TENT4A: variants seen among roughly 807,000 people sequenced by gnomAD.
TENT4A encodes the protein DNA polymerase kappa.
TENT4A carries 7 observed loss-of-function variants against 72.8 expected under a neutral mutation model. The ratio of observed to expected loss-of-function variants is 0.10; its 90% CI spans 0.05 to 0.18. TENT4A has a LOEUF of 0.18. TENT4A is among the 10% of genes least tolerant of loss of function. The probability of loss-of-function intolerance (pLI) is 1.00; values close to 1 mark genes in which losing one functional copy is unlikely to be tolerated. For synonymous variants in TENT4A, 456 were observed against 434.3 expected, an observed-to-expected ratio of 1.05 and a Z score of -0.62; for missense variants, 831 against 1,017.7, an observed-to-expected ratio of 0.82 and a Z score of 2.50.
At chr5:6,725,919 A>G (rs1216431987) in intron 1 of TENT4A, among the ~76,000 whole-genome samples, 2 of 152,248 alleles carry the variant, frequency 1.3e-5, no homozygotes, top group African/African-American at 2.4e-5. Context: ...TCTAAGAGAT[A>G]CTGCTGAGAC....
rs754293964 is a variant in TENT4A, at chr5:6,751,194, T to G, written c.2016T>G (p.Asn672Lys). 6.2e-7 allele frequency: 1 copy of G among 1,614,166 alleles called. No individual in the cohort carries two copies. Among genetic ancestry groups the G allele is most frequent in the Non-Finnish European group, 8.5e-7 (1 of 1,180,034 alleles). Reference sequence around the variant, plus strand: ...GAACACTGATCATGACAACCAACAATCAGGTACGTGGCCCTCTGGCACCCT... The same window carrying G: ...GAACACTGATCATGACAACCAACAAGCAGGTACGTGGCCCTCTGGCACCCT... The part of the protein sequence containing the change: ...TSRTLIMTTN[N>K]QTRFTIPPPT... Residue 672 changes from asparagine to lysine, a missense_variant, in exon 11 of 13, where the codon AAT (asparagine) becomes AAG (lysine). Coordinates refer to ENST00000230859, the MANE Select transcript of TENT4A (RefSeq NM_006999.6).
intron 6 of TENT4A, among the ~76,000 whole-genome samples, chr5:6,745,186 T>C (rs1742021605): frequency 6.6e-6 from 1 of 152,292 alleles, no homozygotes; most frequent in African/African-American, 2.4e-5. Context: ...AGACAAGGAA[T>C]AAGGAAGGGA....
intron 1 of TENT4A, among the ~76,000 whole-genome samples, chr5:6,728,361 C>T (rs1467196785): frequency 6.6e-6 from 1 of 152,218 alleles, no homozygotes; most frequent in Non-Finnish European, 1.5e-5. Flanking sequence ...CTCAGCACAG[C>T]CCCCTGGCAG....
At chr5:6,739,281 AGAGGCTATAATCT>A (rs1741676104) in intron 3 of TENT4A, among the ~76,000 whole-genome samples, 1 of 152,204 alleles carries the variant, frequency 6.6e-6, no homozygotes, top group African/African-American at 2.4e-5. Context: ...TGGAGGCCGA[AGAGGCTATAATCT>A]CAGGATTTGG....
chr5:6,737,726 A>G, intron 2 of TENT4A, 93 bp downstream of exon 2: 1 of 1,389,456 alleles, frequency 7.2e-7, no homozygotes, highest in Middle Eastern at 1.8e-4. Context: ...ATCCACACAG[A>G]CCTTTTCTCG....
intron 6 of TENT4A, among the ~76,000 whole-genome samples, chr5:6,744,848 C>T (rs1243325505): frequency 5.9e-5 from 9 of 152,198 alleles, no homozygotes; most frequent in Admixed American, 5.9e-4. Context: ...TACTGATATA[C>T]TCCTGACTTG....
chr5:6,751,434 G>T, intron 11 of TENT4A: 7 of 414,700 alleles, frequency 1.7e-5, no homozygotes, highest in Non-Finnish European at 1.3e-5. Flanking sequence ...CTTTTCACGG[G>T]GGCCAGGTTG....
chr5:6,719,857 G>A (rs1349682512), intron 1 of TENT4A, among the ~76,000 whole-genome samples: 1 of 152,214 alleles, frequency 6.6e-6, no homozygotes, highest in Non-Finnish European at 1.5e-5. Context: ...CTCACTTATG[G>A]TCTTAAGGAT....
intron 1 of TENT4A, among the ~76,000 whole-genome samples, chr5:6,716,873 C>T (rs1169622768): frequency 5.3e-5 from 8 of 152,232 alleles, no homozygotes; most frequent in Non-Finnish European, 5.9e-5. Context: ...CTCTCCTTGC[C>T]TGTCTCTGGG....
chr5:6,752,821 G>T (rs1268839189), intron 11 of TENT4A, 52 bp from the exon 12 acceptor site: 1 of 1,565,722 alleles, frequency 6.4e-7, no homozygotes, highest in Non-Finnish European at 8.8e-7. Context: ...AAGCCGGATG[G>T]TTTTCCTCTG....
At chr5:6,735,665 A>T (rs895265708) in intron 1 of TENT4A, among the ~76,000 whole-genome samples, 6 of 152,108 alleles carry the variant, frequency 3.9e-5, no homozygotes, top group African/African-American at 1.4e-4. Flanking sequence ...TAGTTTGATC[A>T]GTTTGGAAAA....
intron 1 of TENT4A, among the ~76,000 whole-genome samples, chr5:6,715,289 C>G (rs1235071034): frequency 6.6e-6 from 1 of 152,164 alleles, no homozygotes; most frequent in Non-Finnish European, 1.5e-5. Context: ...CCAGATTTGT[C>G]ATATATGTCT....
At position 6,714,325 on chromosome 5, in the gene TENT4A, C is replaced by T; in HGVS notation, c.342C>T (p.Ser114=). ...KSPSLSSSSS[S]SSSNAESGTE... ...CGTCGCTGTCGTCCTCGTCGTCGTC[C>T]TCCTCGTCCAACGCGGAGTCGGGCA... The change falls in exon 1 of 13, where the codon TCC becomes TCT. Residue 114 remains serine (S), a synonymous_variant. Coordinates refer to ENST00000230859, the MANE Select transcript of TENT4A (RefSeq NM_006999.6). The T allele has an allele frequency of 4.5e-6, 5 of 1,121,016 alleles. No homozygotes were observed. The highest frequency in any genetic ancestry group is 1.7e-5 in the African/African-American group (1 of 60,064). 69.4% of individuals were successfully genotyped at this position (1,121,016 alleles called of 1,614,324 possible). A position where few individuals can be genotyped will look rare whatever the true frequency, so the allele number is the denominator to read the frequency against.
chr5:6,732,704 G>C (rs756207989), intron 1 of TENT4A, among the ~76,000 whole-genome samples: 1 of 152,098 alleles, frequency 6.6e-6, no homozygotes, highest in Admixed American at 6.5e-5. Context: ...TTCTGTTTTC[G>C]AGTAGTTTCC....
At chr5:6,751,441 GT>G (rs1742402604) in intron 11 of TENT4A, 1 of 404,008 alleles carries the variant, frequency 2.5e-6, no homozygotes, top group East Asian at 4.0e-5. Context: ...CGGGGGCCAG[GT>G]TGACTGCCTT....
intron 5 of TENT4A, among the ~76,000 whole-genome samples, 163 bp from the exon 6 acceptor site, chr5:6,743,549 C>G (rs924155897): frequency 7.2e-5 from 11 of 152,192 alleles, no homozygotes; most frequent in African/African-American, 2.7e-4. Context: ...GAAATTAATT[C>G]TTAGCGTCCC....
rs1244764998 is a variant in TENT4A at position 6,756,536 on chromosome 5, C to G, written c.*1591C>G. ...AGCTTTAAAATGTCTGCGGTCTGCC[C>G]TTTTGAAGCAGGACTGGCTCACTCT... On this transcript the variant is annotated 3_prime_UTR_variant, in exon 13 of 13. Coordinates refer to ENST00000230859, the MANE Select transcript of TENT4A (RefSeq NM_006999.6). The G allele has an allele frequency of 6.6e-6, 1 of 152,366 alleles. No individual in the cohort carries two copies. The highest frequency in any genetic ancestry group is 1.5e-5 in the Non-Finnish European group (1 of 68,046). The allele number at this position is 152,366 out of a possible 1,614,324, so 9.4% of individuals were successfully genotyped here. A position where few individuals can be genotyped will look rare whatever the true frequency, so the allele number is the denominator to read the frequency against.
chr5:6,721,301 T>C (rs1740634325), intron 1 of TENT4A, among the ~76,000 whole-genome samples: 2 of 152,226 alleles, frequency 1.3e-5, no homozygotes, highest in African/African-American at 4.8e-5. Context: ...AAACTTTTGT[T>C]GTTTGTCTTA....
intron 1 of TENT4A, among the ~76,000 whole-genome samples, chr5:6,723,464 C>A (rs1488118571): frequency 6.9e-6 from 1 of 144,226 alleles, no homozygotes; most frequent in Non-Finnish European, 1.5e-5. Flanking sequence ...CAGAGCTGAC[C>A]CTTGAAATGA....
Sources: allele counts gnomAD v4.1 joint callset (sites outside exome capture counted in the v4.1 genomes callset), GRCh38; gene constraint gnomAD v4.1.1; transcripts MANE v1.5; gene names NCBI Gene and HGNC (gene_info 2026-07-23, HGNC 2026-07-21).